The following BCAS3 variants were observed in gnomAD, a reference collection of about 807,000 sequenced individuals.
The protein encoded by BCAS3 is BCAS4/BCAS3 fusion.
BCAS3 carries 53 observed loss-of-function variants against 116.1 expected under a neutral mutation model. That is an observed-to-expected ratio of 0.46 (90% confidence interval 0.37 to 0.57). BCAS3 has a LOEUF of 0.57. BCAS3 is among the 20% of genes least tolerant of loss of function. The probability of loss-of-function intolerance (pLI) is 0.00; values close to 1 mark genes in which losing one functional copy is unlikely to be tolerated. For missense variants in BCAS3, 917 were observed against 1,165.4 expected (o/e 0.79, Z 3.10); for synonymous variants, 391 against 408.2 (o/e 0.96, Z 0.51).
chr17:60,694,944 A>G (rs1310326589), intron 4 of BCAS3, among the ~76,000 whole-genome samples: 1 of 151,946 alleles, frequency 6.6e-6, no homozygotes, highest in South Asian at 2.1e-4. Flanking sequence ...TTCTGTTTCT[A>G]TGATTTTTAA....
intron 22 of BCAS3, among the ~76,000 whole-genome samples, chr17:61,116,489 G>A (rs537825970): frequency 6.6e-6 from 1 of 152,242 alleles, no homozygotes; most frequent in African/African-American, 2.4e-5. Context: ...ACATCAAAGA[G>A]TGTTGTTTTT....
chr17:60,869,919 G>C (rs924888650), intron 8 of BCAS3, among the ~76,000 whole-genome samples: 4 of 152,056 alleles, frequency 2.6e-5, no homozygotes, highest in Non-Finnish European at 5.9e-5. Context: ...AAATATACTA[G>C]AAGTCAAAAA....
In BCAS3 at chr17:61,332,804, C is replaced by T. The variant is rs549458663; in HGVS notation, c.2426-35523C>T. Among the ~76,000 whole-genome samples the T allele has an allele frequency of 5.3e-4, 80 of 152,088 alleles. No homozygotes were observed. The highest frequency in any genetic ancestry group is 9.3e-4 in the Non-Finnish European group (63 of 67,998). On this transcript the variant is annotated intron_variant, in intron 22 of 23. Coordinates refer to ENST00000407086, the MANE Select transcript of BCAS3 (RefSeq NM_017679.5). The surrounding 1 kb of genome is among the most constrained non-coding windows in gnomAD (Gnocchi z 5.4). ...CTAATTTTTGTATTTTTAGGAGAGACGGGGTTTCACCATGTTAGCCAGGCT... is the reference window on the plus strand; with the variant it reads ...CTAATTTTTGTATTTTTAGGAGAGATGGGGTTTCACCATGTTAGCCAGGCT...
chr17:60,867,350 C>T (rs2054696552), intron 7 of BCAS3, among the ~76,000 whole-genome samples: 1 of 151,996 alleles, frequency 6.6e-6, no homozygotes, highest in African/African-American at 2.4e-5. Context: ...AAGTGATCTG[C>T]CTGTCTTGGC....
At position 61,067,291 on chromosome 17, in the gene BCAS3, A is replaced by G. The variant is rs1409247840; in HGVS notation, c.2030-7629A>G. On this transcript the variant is annotated intron_variant, in intron 19 of 23. Coordinates refer to ENST00000407086, the MANE Select transcript of BCAS3 (RefSeq NM_017679.5). The stretch of plus-strand genomic sequence containing the variant: ...TGTATGTGTATATATATATATATAT[A>G]TATATATATATATATATATATATAT... Among the ~76,000 whole-genome samples, 9 of 125,234 alleles carry G rather than the reference A, an allele frequency of 7.2e-5. 1 individual carries two copies. The highest frequency in any genetic ancestry group is 2.8e-4 in the African/African-American group (9 of 32,146). The allele number at this position is 125,234 out of a possible 152,430, so 82.2% of individuals were successfully genotyped here.
At chr17:60,708,602 C>T (rs1167342522) in intron 4 of BCAS3, among the ~76,000 whole-genome samples, 1 of 152,086 alleles carries the variant, frequency 6.6e-6, no homozygotes, top group African/African-American at 2.4e-5. Flanking sequence ...GCAATCTTGG[C>T]TCACTGCAAC....
chr17:61,105,705 G>A lies in BCAS3; in HGVS notation c.2425+21141G>A, dbSNP rs192383815. Among the ~76,000 whole-genome samples the A allele has an allele frequency of 3.0e-4, 45 of 152,094 alleles. No individual in the cohort carries two copies. The East Asian group carries it at 8.5e-3, about 29-fold the overall frequency. ...GCCTCCCAAAGTGCTGGGATTACAG[G>A]TGTGAGCCACTGTGCCCGGCCTAAA... On this transcript the variant is annotated intron_variant, in intron 22 of 23. Transcript: ENST00000407086. The surrounding 1 kb of genome is among the most constrained non-coding windows in gnomAD (Gnocchi z 4.3).
intron 22 of BCAS3, among the ~76,000 whole-genome samples, chr17:61,102,411 A>G (rs1164987981): frequency 1.3e-5 from 2 of 152,182 alleles, no homozygotes; most frequent in Non-Finnish European, 2.9e-5. Context: ...GTTACTGAAT[A>G]CACTATGCTA....
rs573604146 is a variant in BCAS3 at position 60,974,669 on chromosome 17, A to G, written c.1222-15302A>G. 1.1e-3 allele frequency among the ~76,000 whole-genome samples: 162 copies of G among 152,314 alleles called. 1 individual carries two copies. The highest frequency in any genetic ancestry group is 3.2e-3 in the African/African-American group (133 of 41,574). On this transcript the variant is annotated intron_variant, in intron 14 of 23. Coordinates refer to ENST00000407086, the MANE Select transcript of BCAS3 (RefSeq NM_017679.5). Reference sequence around the variant, plus strand: ...TAATGAGAAATGTGAGATATTATAAATATGCTAAATAATACAGGAAACATT... The same window carrying G: ...TAATGAGAAATGTGAGATATTATAAGTATGCTAAATAATACAGGAAACATT...
intron 22 of BCAS3, among the ~76,000 whole-genome samples, chr17:61,317,403 G>C (rs1244883043): frequency 6.6e-6 from 1 of 152,204 alleles, no homozygotes; most frequent in Non-Finnish European, 1.5e-5. Context: ...GCAGTGTATT[G>C]CCTTTACTGG....
chr17:60,827,130 A>G (rs1445068840), intron 7 of BCAS3, among the ~76,000 whole-genome samples: 1 of 152,240 alleles, frequency 6.6e-6, no homozygotes, highest in African/African-American at 2.4e-5. Flanking sequence ...TGTAAACTAA[A>G]TTACTCAACA....
chr17:61,166,229 C>A (rs2078482333), intron 22 of BCAS3, among the ~76,000 whole-genome samples: 1 of 152,136 alleles, frequency 6.6e-6, no homozygotes, highest in South Asian at 2.1e-4. Context: ...TATAAAGTAT[C>A]TTATTTAACT....
chr17:60,870,265 C>T (rs1302854169), intron 8 of BCAS3, among the ~76,000 whole-genome samples: 1 of 152,058 alleles, frequency 6.6e-6, no homozygotes, highest in Non-Finnish European at 1.5e-5. Flanking sequence ...AGAGCTTATT[C>T]GGGAGCCCTA....
intron 9 of BCAS3, among the ~76,000 whole-genome samples, chr17:60,887,816 G>A (rs2056833653): frequency 6.6e-6 from 1 of 152,080 alleles, no homozygotes; most frequent in South Asian, 2.1e-4. Context: ...CTTTCTGGGA[G>A]GATGCCATCT....
chr17:61,062,993 T>C (rs1183486107), intron 19 of BCAS3, among the ~76,000 whole-genome samples: 1 of 152,168 alleles, frequency 6.6e-6, no homozygotes, highest in Admixed American at 6.5e-5. Flanking sequence ...TGGTGAAGCT[T>C]TCCCGGGCAT....
At chr17:60,868,270 C>A (rs544897720) in intron 7 of BCAS3, among the ~76,000 whole-genome samples, 2 of 152,058 alleles carry the variant, frequency 1.3e-5, no homozygotes, top group South Asian at 2.1e-4. Flanking sequence ...CGTGATCCAC[C>A]TGCCTCGGCC....
At chr17:60,754,587 C>T (rs1054798041) in intron 6 of BCAS3, among the ~76,000 whole-genome samples, 4 of 152,030 alleles carry the variant, frequency 2.6e-5, no homozygotes, top group Non-Finnish European at 5.9e-5. Context: ...TTATGTTAGT[C>T]TGGTGTATAT....
chr17:61,327,774 T>G lies in BCAS3; in HGVS notation c.2426-40553T>G, dbSNP rs1351724602. Among the ~76,000 whole-genome samples the G allele has an allele frequency of 1.3e-5, 2 of 152,074 alleles. No homozygotes were observed. The highest frequency in any genetic ancestry group is 4.8e-5 in the African/African-American group (2 of 41,396). On this transcript the variant is annotated intron_variant, in intron 22 of 23. Transcript: ENST00000407086. The surrounding 1 kb of genome is among the most constrained non-coding windows in gnomAD (Gnocchi z 5.9). ...GTCCAGCTGCCTCAGCCTCCCAAAG[T>G]GGTGGAATTACAGGCATGAGCCACT...
intron 7 of BCAS3, among the ~76,000 whole-genome samples, chr17:60,850,887 G>A (rs936397007): frequency 6.6e-6 from 1 of 152,164 alleles, no homozygotes; most frequent in South Asian, 2.1e-4. Flanking sequence ...CTCTTCCTAA[G>A]TTGATCTATG....
Sources: gnomAD v4.1 joint callset for allele counts (sites outside exome capture counted in the v4.1 genomes callset) on GRCh38, gnomAD v4.1.1 for gene constraint, Gnocchi (gnomAD v3.1) non-coding constraint, MANE v1.5 for transcripts, NCBI Gene and HGNC (gene_info 2026-07-23, HGNC 2026-07-21) for gene names.